Variants in NKAIN2 observed in about 807,000 individuals in gnomAD.
The protein encoded by NKAIN2 is sodium/potassium transporting ATPase interacting 2.
In NKAIN2, 14 loss-of-function variants were observed where a neutral mutation model predicts 32.6. The ratio of observed to expected loss-of-function variants is 0.43; its 90% CI spans 0.28 to 0.67. NKAIN2 has a LOEUF of 0.67. Among genes scored for constraint, NKAIN2 ranks in the 30% least tolerant of loss-of-function variants. The pLI is 0.17. For missense variants in NKAIN2, 198 were observed against 258.3 expected (o/e 0.77, Z 1.60); for synonymous variants, 80 against 87.2 (o/e 0.92, Z 0.46).
chr6:123,978,631 A>G (rs1220532350), intron 1 of NKAIN2, among the ~76,000 whole-genome samples: 2 of 152,148 alleles, frequency 1.3e-5, no homozygotes, highest in African/African-American at 4.8e-5. Context: ...ATAAAGTAAC[A>G]CAACACAGAG....
chr6:124,669,255 T>C (rs867102678), intron 4 of NKAIN2, among the ~76,000 whole-genome samples: 7 of 152,148 alleles, frequency 4.6e-5, no homozygotes, highest in South Asian at 2.1e-4. Context: ...CAGGTTTACA[T>C]TCATTCAGTC....
intron 3 of NKAIN2, among the ~76,000 whole-genome samples, chr6:124,508,407 T>C (rs1031079131): frequency 1.3e-5 from 2 of 152,062 alleles, no homozygotes; most frequent in East Asian, 1.9e-4. Flanking sequence ...TGCAGTGGCT[T>C]GATCTCGGCT....
chr6:124,025,456 A>G (rs1384776974), intron 1 of NKAIN2, among the ~76,000 whole-genome samples: 1 of 93,936 alleles, frequency 1.1e-5, no homozygotes, highest in Non-Finnish European at 2.1e-5. Flanking sequence ...AATGAATGGA[A>G]AGGAAAAAAA....
intron 1 of NKAIN2, among the ~76,000 whole-genome samples, chr6:123,825,751 C>T (rs919134603): frequency 6.6e-6 from 1 of 152,036 alleles, no homozygotes; most frequent in African/African-American, 2.4e-5. Context: ...ATTAAAATCC[C>T]CCACTGTGTG....
At chr6:124,278,704 C>A (rs1795157789) in intron 1 of NKAIN2, among the ~76,000 whole-genome samples, 3 of 109,322 alleles carry the variant, frequency 2.7e-5, no homozygotes, top group Admixed American at 1.0e-4. Flanking sequence ...ATTATATGAG[C>A]TGGAAAACAT....
intron 3 of NKAIN2, among the ~76,000 whole-genome samples, chr6:124,403,367 AC>A (rs544804482): frequency 6.6e-6 from 1 of 152,226 alleles, no homozygotes; most frequent in African/African-American, 2.4e-5. Flanking sequence ...AATTACATAT[AC>A]ATTCATAATC....
chr6:124,549,229 G>A (rs1181254121), intron 3 of NKAIN2, among the ~76,000 whole-genome samples: 2 of 152,116 alleles, frequency 1.3e-5, no homozygotes, highest in African/African-American at 2.4e-5. Context: ...TTAGCCAGGT[G>A]TGGTGGCCTG....
At chr6:124,001,585 A>G (rs1779879113) in intron 1 of NKAIN2, among the ~76,000 whole-genome samples, 1 of 151,836 alleles carries the variant, frequency 6.6e-6, no homozygotes, top group African/African-American at 2.4e-5. Context: ...ATACTCCATT[A>G]ATGTTACAAC....
At chr6:124,422,599 C>A (rs1774805918) in intron 3 of NKAIN2, among the ~76,000 whole-genome samples, 1 of 152,132 alleles carries the variant, frequency 6.6e-6, no homozygotes, top group South Asian at 2.1e-4. Context: ...TCATGCCTAA[C>A]TAATGAATTA....
intron 3 of NKAIN2, among the ~76,000 whole-genome samples, chr6:124,519,918 T>C (rs1249744206): frequency 6.6e-6 from 1 of 152,172 alleles, no homozygotes; most frequent in Non-Finnish European, 1.5e-5. Context: ...AGTACCGTAA[T>C]AGACTCTTTA....
chr6:124,727,551 A>G (rs1432186302), intron 4 of NKAIN2, among the ~76,000 whole-genome samples: 2 of 151,954 alleles, frequency 1.3e-5, no homozygotes, highest in African/African-American at 4.8e-5. Context: ...AGAGCTCCTG[A>G]AGGAAGTGCT....
chr6:123,869,658 G>A (rs1029964944), intron 1 of NKAIN2, among the ~76,000 whole-genome samples: 8 of 152,146 alleles, frequency 5.3e-5, no homozygotes, highest in African/African-American at 1.9e-4. Context: ...AGTGCTTTCT[G>A]CTGGTAGGGC....
At chr6:124,793,608 A>C (rs1039144723) in intron 5 of NKAIN2, among the ~76,000 whole-genome samples, 1 of 151,644 alleles carries the variant, frequency 6.6e-6, no homozygotes, top group Non-Finnish European at 1.5e-5. Context: ...TACATGCATA[A>C]TCAGTATTTT....
intron 3 of NKAIN2, among the ~76,000 whole-genome samples, chr6:124,533,606 G>A (rs1289944870): frequency 6.6e-6 from 1 of 151,658 alleles, no homozygotes; most frequent in Non-Finnish European, 1.5e-5. Context: ...TTATCTGCAA[G>A]TGGATCTAAT....
At chr6:124,309,451 T>C (rs1034464561) in intron 2 of NKAIN2, among the ~76,000 whole-genome samples, 6 of 152,148 alleles carry the variant, frequency 3.9e-5, no homozygotes, top group Non-Finnish European at 7.4e-5. Flanking sequence ...TAATTAGAAC[T>C]GTATGTTGTA....
intron 1 of NKAIN2, among the ~76,000 whole-genome samples, chr6:124,102,775 T>C (rs1026572776): frequency 1.6e-4 from 24 of 152,208 alleles, no homozygotes; most frequent in African/African-American, 5.5e-4. Context: ...TGTAATTGAG[T>C]GTTTAAACAA....
intron 1 of NKAIN2, among the ~76,000 whole-genome samples, chr6:124,097,848 G>A (rs1784709414): frequency 6.6e-6 from 1 of 152,194 alleles, no homozygotes; most frequent in South Asian, 2.1e-4. Context: ...GCTTACTGTA[G>A]AAGGAACCAA....
At chr6:124,358,955 T>A (rs1483900538) in intron 3 of NKAIN2, among the ~76,000 whole-genome samples, 2 of 151,230 alleles carry the variant, frequency 1.3e-5, no homozygotes, top group Non-Finnish European at 2.9e-5. Context: ...TTGTATAAGG[T>A]GTAAGGAAGG....
chr6:124,664,031 T>C (rs1418596328), intron 4 of NKAIN2, among the ~76,000 whole-genome samples: 2 of 152,092 alleles, frequency 1.3e-5, no homozygotes, highest in East Asian at 3.9e-4. Flanking sequence ...TGCCAGCACA[T>C]TGGGAGGCTG....
Sources: allele counts gnomAD v4.1 joint callset (sites outside exome capture counted in the v4.1 genomes callset), GRCh38; gene constraint gnomAD v4.1.1; transcripts MANE v1.5; gene names NCBI Gene and HGNC (gene_info 2026-07-23, HGNC 2026-07-21).